The following R3HDM2 variants were observed in gnomAD, a reference collection of about 807,000 sequenced individuals.
R3HDM2 encodes R3H domain containing 2.
A neutral mutation model predicts 124.5 loss-of-function variants in R3HDM2; 38 were observed. That is an observed-to-expected ratio of 0.31 (90% confidence interval 0.24 to 0.40). The LOEUF (loss-of-function observed/expected upper bound fraction) is 0.40, where lower values mean the gene tolerates loss of function less well. Among genes scored for constraint, R3HDM2 ranks in the 10% least tolerant of loss-of-function variants. The pLI is 1.00. For missense variants in R3HDM2, 869 were observed against 1,236.9 expected (o/e 0.70, Z 4.46); for synonymous variants, 391 against 448.0 (o/e 0.87, Z 1.61).
At chr12:57,423,170 C>T (rs979305487) in intron 1 of R3HDM2, among the ~76,000 whole-genome samples, 1 of 151,980 alleles carries the variant, frequency 6.6e-6, no homozygotes, top group African/African-American at 2.4e-5. Flanking sequence ...GCCTGTAATC[C>T]CAGCACTTTG....
intron 2 of R3HDM2, among the ~76,000 whole-genome samples, chr12:57,342,404 A>G (rs1242696485): frequency 6.6e-6 from 1 of 151,842 alleles, no homozygotes; most frequent in African/African-American, 2.4e-5. Context: ...GAAGCCGACC[A>G]TGGCCCAGCT....
intron 1 of R3HDM2, among the ~76,000 whole-genome samples, chr12:57,424,506 CTTAA>C (rs2070523386): frequency 6.6e-6 from 1 of 152,050 alleles, no homozygotes; most frequent in Non-Finnish European, 1.5e-5. Context: ...TTGTCACTGC[CTTAA>C]TTACTTTCCT....
chr12:57,333,838 C>T (rs1593437322), intron 2 of R3HDM2, among the ~76,000 whole-genome samples: 2 of 150,692 alleles, frequency 1.3e-5, no homozygotes, highest in Admixed American at 6.6e-5. Flanking sequence ...GTTAGGAGTT[C>T]GAGACCAGCC....
chr12:57,292,695 T>C, intron 10 of R3HDM2, 28 bp from the exon 11 acceptor site: 1 of 1,473,632 alleles, frequency 6.8e-7, no homozygotes, highest in Non-Finnish European at 9.3e-7. Flanking sequence ...ATTAAGCTAG[T>C]TAAGTTCTCC....
intron 12 of R3HDM2, 189 bp downstream of exon 12, chr12:57,288,820 A>G: frequency 6.7e-7 from 1 of 1,497,654 alleles, no homozygotes; most frequent in Non-Finnish European, 9.1e-7. Flanking sequence ...AATAAAATTA[A>G]AAATAAAAAG....
chr12:57,359,785 G>A (rs2061667093), intron 2 of R3HDM2, among the ~76,000 whole-genome samples: 1 of 151,518 alleles, frequency 6.6e-6, no homozygotes, highest in Non-Finnish European at 1.5e-5. Flanking sequence ...GCATTCTTAT[G>A]ATTCAATTTT....
intron 2 of R3HDM2, among the ~76,000 whole-genome samples, chr12:57,325,448 T>A (rs763838635): frequency 2.6e-5 from 4 of 152,206 alleles, no homozygotes; most frequent in Admixed American, 6.5e-5. Flanking sequence ...AGGCTAGCAC[T>A]CCAGCAGCCA....
At chr12:57,362,753 A>T (rs1376032602) in intron 2 of R3HDM2, among the ~76,000 whole-genome samples, 1 of 151,990 alleles carries the variant, frequency 6.6e-6, no homozygotes, top group Non-Finnish European at 1.5e-5. Flanking sequence ...TATCTTTTAA[A>T]TTTTTTTTCC....
At chr12:57,344,818 G>T (rs902439713) in intron 2 of R3HDM2, among the ~76,000 whole-genome samples, 9 of 151,694 alleles carry the variant, frequency 5.9e-5, no homozygotes, top group Admixed American at 5.9e-4. Flanking sequence ...AACTTCTCCT[G>T]TTTTTTTGTT....
intron 10 of R3HDM2, among the ~76,000 whole-genome samples, chr12:57,293,129 T>C (rs1224738514): frequency 6.6e-6 from 1 of 152,198 alleles, no homozygotes; most frequent in Admixed American, 6.5e-5. Context: ...CCTGGCATTA[T>C]TCCTTATTTA....
At chr12:57,384,042 A>G (rs572564694) in intron 2 of R3HDM2, among the ~76,000 whole-genome samples, 3 of 152,270 alleles carry the variant, frequency 2.0e-5, no homozygotes, top group African/African-American at 7.2e-5. Flanking sequence ...ATCCTCTAGG[A>G]TAAGTAATAT....
chr12:57,343,095 G>C (rs1555274152), intron 2 of R3HDM2, among the ~76,000 whole-genome samples: 1 of 151,948 alleles, frequency 6.6e-6, no homozygotes, highest in Non-Finnish European at 1.5e-5. Context: ...TAAAGAAATT[G>C]GTACAAAGGA....
At chr12:57,406,270 G>A (rs1328084799) in intron 1 of R3HDM2, among the ~76,000 whole-genome samples, 16 of 146,342 alleles carry the variant, frequency 1.1e-4, no homozygotes, top group South Asian at 2.2e-4. Context: ...GCAGTGAGCC[G>A]AGATCGCACC....
chr12:57,401,323 AAACCTCTTGGAACCT>A (rs767267456), intron 1 of R3HDM2, among the ~76,000 whole-genome samples: 1 of 151,938 alleles, frequency 6.6e-6, no homozygotes, highest in Non-Finnish European at 1.5e-5. Context: ...TTTCCACTCA[AAACCTCTTGGAACCT>A]AACCATCATG....
At chr12:57,362,086 C>T (rs1373799278) in intron 2 of R3HDM2, among the ~76,000 whole-genome samples, 1 of 152,064 alleles carries the variant, frequency 6.6e-6, no homozygotes, top group Non-Finnish European at 1.5e-5. Context: ...GAGCCAAGAT[C>T]GTGCCACTGC....
Position 57,254,886 on chromosome 12 carries a change from G to C in R3HDM2, c.2860C>G (p.Leu954Val). ...YTIVAVFPSP[L>V]AAQNASLRLN... ...CGAAGGGAGGCATTTTGGGCAGCCA[G>C]GGGGCTGGGGAACACAGCCACAATG... The change falls in exon 24 of 24, where the codon CTG becomes GTG. Residue 954 changes from leucine to valine, a missense_variant. Leu to Val is a conservative substitution (Grantham distance 32). This residue lies in a region of R3HDM2 where 602 missense variants were observed against 789.2 expected (regional missense o/e 0.76). Coordinates refer to ENST00000402412, the MANE Select transcript of R3HDM2 (RefSeq NM_001394031.1). 1 of 1,613,900 alleles carries C rather than the reference G, an allele frequency of 6.2e-7. No homozygotes were observed. Among genetic ancestry groups the C allele is most frequent in the East Asian group, 2.2e-5 (1 of 44,872 alleles).
chr12:57,318,408 T>TG (rs2055649975), intron 2 of R3HDM2, among the ~76,000 whole-genome samples: 1 of 151,048 alleles, frequency 6.6e-6, no homozygotes. Context: ...CCTAGCACTT[T>TG]GGGGGGCCGA....
chr12:57,350,713 G>T (rs1272363407), intron 2 of R3HDM2, among the ~76,000 whole-genome samples: 1 of 152,204 alleles, frequency 6.6e-6, no homozygotes, highest in African/African-American at 2.4e-5. Flanking sequence ...TCGACACTTT[G>T]GGAGGCCAAA....
chr12:57,343,000 C>T (rs1294955139), intron 2 of R3HDM2, among the ~76,000 whole-genome samples: 1 of 151,882 alleles, frequency 6.6e-6, no homozygotes, highest in Non-Finnish European at 1.5e-5. Flanking sequence ...ATAAGGAAAC[C>T]ATGAAGGCAT....
Sources: gnomAD v4.1 joint callset for allele counts (sites outside exome capture counted in the v4.1 genomes callset) on GRCh38, gnomAD v4.1.1 for gene constraint, gnomAD v4.1.1 regional missense constraint, MANE v1.5 for transcripts, NCBI Gene and HGNC (gene_info 2026-07-23, HGNC 2026-07-21) for gene names.